BCL2L15: variants seen among roughly 807,000 people sequenced by gnomAD.
BCL2L15 encodes the protein BCL2 like 15, also known as bcl-2-like protein 15.
In BCL2L15, 15 loss-of-function variants were observed where a neutral mutation model predicts 18.3. That is an observed-to-expected ratio of 0.82 (90% CI 0.55 to 1.26). The LOEUF (loss-of-function observed/expected upper bound fraction) is 1.26, where lower values mean the gene tolerates loss of function less well. BCL2L15 is among the 50% of genes most tolerant of loss of function. The pLI is 0.00. For missense variants in BCL2L15, 180 were observed against 201.7 expected (o/e 0.89, Z 0.65); for synonymous variants, 58 against 68.5 (o/e 0.85, Z 0.76).
intron 3 of BCL2L15, 78 bp downstream of exon 3, chr1:113,881,695 G>T (rs1571509993): frequency 1.3e-6 from 2 of 1,483,796 alleles, no homozygotes; most frequent in East Asian, 4.9e-5. Context: ...TACAAAAAGG[G>T]TCATGAATTG....
At position 113,886,514 on chromosome 1, in the gene BCL2L15, A is replaced by G. The variant is rs756893176; in HGVS notation, c.249+23T>C. Reference sequence around the variant, plus strand: ...GAAATAGAAAAAAAAGCAGCAAACAATAGCATGAAGTAGAAACTTGACCTG... The same window carrying G: ...GAAATAGAAAAAAAAGCAGCAAACAGTAGCATGAAGTAGAAACTTGACCTG... On this transcript the variant is annotated intron_variant, in intron 2 of 3. Coordinates refer to ENST00000393316, the MANE Select transcript of BCL2L15 (RefSeq NM_001010922.3). The G allele has an allele frequency of 1.1e-5, 18 of 1,594,946 alleles. No individual in the cohort carries two copies. In the Admixed American group the frequency reaches 3.0e-4, roughly 27 times the overall value.
In BCL2L15 at chr1:113,877,040, A is replaced by T. The variant is rs1342104924; in HGVS notation, c.*4083T>A. 1.3e-5 allele frequency among the ~76,000 whole-genome samples: 2 copies of T among 152,170 alleles called. No homozygotes were observed. Among genetic ancestry groups the T allele is most frequent in the African/African-American group, 4.8e-5 (2 of 41,444 alleles). On this transcript the variant is annotated 3_prime_UTR_variant, in exon 4 of 4. Transcript: ENST00000393316. ...ACAAAAGTTCAAGGAGGCAAAGACC[A>T]CTTCTTATTCTGGTTATATGGATAG... is the stretch of plus-strand genomic sequence containing the variant.
chr1:113,882,639 C>T (rs1275963093), intron 2 of BCL2L15, among the ~76,000 whole-genome samples: 1 of 150,496 alleles, frequency 6.6e-6, no homozygotes, highest in Non-Finnish European at 1.5e-5. Flanking sequence ...AGCGAGACTC[C>T]ATCTCAAATA....
intron 2 of BCL2L15, among the ~76,000 whole-genome samples, chr1:113,883,309 C>A (rs1395414064): frequency 6.6e-6 from 1 of 152,036 alleles, no homozygotes; most frequent in African/African-American, 2.4e-5. Context: ...AGTGAAACCC[C>A]GTCTCTACTA....
In BCL2L15 at chr1:113,877,465, C is replaced by G. The variant is rs1250328240; in HGVS notation, c.*3658G>C. Among the ~76,000 whole-genome samples the G allele has an allele frequency of 3.3e-5, 5 of 152,036 alleles. No homozygotes were observed. Among genetic ancestry groups the G allele is most frequent in the East Asian group, 1.9e-4 (1 of 5,178 alleles). The stretch of plus-strand genomic sequence containing the variant: ...ACTACAATCAAGATAATGAACATGT[C>G]TAATCACACTCAAAAGTTCCACTGA... On this transcript the variant is annotated 3_prime_UTR_variant, in exon 4 of 4. Transcript: ENST00000393316.
rs986398980 is a variant in BCL2L15 at position 113,887,299 on chromosome 1, G to C, written c.77C>G (p.Thr26Arg). The change falls in exon 1 of 4, where the codon ACA becomes AGA. Residue 26 changes from threonine to arginine, a missense_variant. Thr to Arg is a moderately conservative substitution (Grantham distance 71). Coordinates refer to ENST00000393316, the MANE Select transcript of BCL2L15 (RefSeq NM_001010922.3). ...TAGGTTCCGGCTGGCAACCTGCAATGTTGGGCTCAAGAAGTCCATGAGTAG... is the reference window on the plus strand; with the variant it reads ...TAGGTTCCGGCTGGCAACCTGCAATCTTGGGCTCAAGAAGTCCATGAGTAG... ...NTLLMDFLSP[T>R]LQVASRNLCC... The C allele has an allele frequency of 2.8e-5, 45 of 1,614,194 alleles. No individual in the cohort carries two copies. Among genetic ancestry groups the C allele is most frequent in the Non-Finnish European group, 3.6e-5 (43 of 1,180,018 alleles).
Position 113,879,927 on chromosome 1 carries a change from A to C in BCL2L15, c.*1196T>G, listed in dbSNP as rs897690417. ...TATTCTCTATAGTGATGGCTGTCAC[A>C]CTCTATATGTACATCAGAATCACCT... On this transcript the variant is annotated 3_prime_UTR_variant, in exon 4 of 4. Transcript: ENST00000393316. The C allele has an allele frequency of 6.6e-6, 1 of 152,138 alleles. No individual in the cohort carries two copies. Among genetic ancestry groups the C allele is most frequent in the African/African-American group, 2.4e-5 (1 of 41,434 alleles). The allele number at this position is 152,138 out of a possible 1,614,324, so 9.4% of individuals were successfully genotyped here.
At chr1:113,882,086 CTT>C (rs1244390196) in intron 2 of BCL2L15, 89 bp from the exon 3 acceptor site, 1 of 979,034 alleles carries the variant, frequency 1.0e-6, no homozygotes, top group African/African-American at 1.6e-5. Context: ...GCAATTGTTT[CTT>C]AGAGTGCCAA....
intron 2 of BCL2L15, among the ~76,000 whole-genome samples, chr1:113,885,846 T>C (rs962733139): frequency 3.6e-4 from 55 of 151,322 alleles, no homozygotes; most frequent in African/African-American, 1.3e-3. Flanking sequence ...GGGTGGAGGT[T>C]GCAGTGAGCC....
rs1453568225 is a variant in BCL2L15, at chr1:113,877,214, T to C, written c.*3909A>G. Among the ~76,000 whole-genome samples the C allele has an allele frequency of 2.0e-5, 3 of 151,838 alleles. No individual in the cohort carries two copies. On this transcript the variant is annotated 3_prime_UTR_variant, in exon 4 of 4. Coordinates refer to ENST00000393316, the MANE Select transcript of BCL2L15 (RefSeq NM_001010922.3). The stretch of plus-strand genomic sequence containing the variant: ...CGGTTATACTAGAGCATTGGGATTG[T>C]AGAGGAGAATCATGATTGATTAAGG...
In BCL2L15 at chr1:113,880,387, G is replaced by C. The variant is rs1240206610; in HGVS notation, c.*736C>G. ...CACGCCTGTAATCCCAGCACTTTGG[G>C]AGGCCAAGGCGGGCGAATCACGAGG... is the stretch of plus-strand genomic sequence containing the variant. On this transcript the variant is annotated 3_prime_UTR_variant, in exon 4 of 4. Coordinates refer to ENST00000393316, the MANE Select transcript of BCL2L15 (RefSeq NM_001010922.3). The C allele has an allele frequency of 6.6e-6, 1 of 152,258 alleles. No individual in the cohort carries two copies. Among genetic ancestry groups the C allele is most frequent in the African/African-American group, 2.4e-5 (1 of 41,442 alleles). 9.4% of individuals were successfully genotyped at this position (152,258 alleles called of 1,614,324 possible). A position where few individuals can be genotyped will look rare whatever the true frequency, so the allele number is the denominator to read the frequency against.
At chr1:113,885,859 G>T (rs1667015836) in intron 2 of BCL2L15, among the ~76,000 whole-genome samples, 1 of 151,474 alleles carries the variant, frequency 6.6e-6, no homozygotes, top group Non-Finnish European at 1.5e-5. Flanking sequence ...AGTGAGCCGA[G>T]ATCGCGCCAC....
In BCL2L15 at chr1:113,881,818, A is replaced by G; in HGVS notation, c.429T>C (p.Asn143=). 6 of 1,614,216 alleles carry G rather than the reference A, an allele frequency of 3.7e-6. No homozygotes were observed. The highest frequency in any genetic ancestry group is 5.1e-6 in the Non-Finnish European group (6 of 1,180,034). Residue 143 remains asparagine, a synonymous_variant, in exon 3 of 4, where the codon AAT becomes AAC. Transcript: ENST00000393316. The part of the protein sequence containing the change: ...QVAIPMTGMI[N]GNQAIREFIQ... ...TGAACTCCCGGATGGCTTGGTTCCC[A>G]TTGATCATACCCGTCATGGGGATAG...
intron 1 of BCL2L15, among the ~76,000 whole-genome samples, chr1:113,886,903 ACT>A (rs1461474783): frequency 7.4e-6 from 1 of 135,936 alleles, no homozygotes; most frequent in Non-Finnish European, 1.6e-5. Context: ...AATAAAATAT[ACT>A]GTTTTTTTTT....
intron 3 of BCL2L15, 169 bp from the exon 4 acceptor site, chr1:113,881,309 T>G (rs1666873049): frequency 9.0e-7 from 1 of 1,115,974 alleles, no homozygotes; most frequent in Non-Finnish European, 1.3e-6. Context: ...TTCTGATGAT[T>G]ACTAAAACAT....
In BCL2L15 at chr1:113,886,594, G is replaced by A; in HGVS notation, c.192C>T (p.Phe64=). The A allele has an allele frequency of 6.2e-7, 1 of 1,613,964 alleles. No homozygotes were observed. The highest frequency in any genetic ancestry group is 8.5e-7 in the Non-Finnish European group (1 of 1,179,948). The change falls in exon 2 of 4, where the codon TTC becomes TTT. Residue 64 remains phenylalanine (F), a synonymous_variant. Transcript: ENST00000393316. ...AGRLRMLGDQ[F]NGELEASAKN... ...TGGCAGAAGCTTCCAATTCTCCGTT[G>A]AACTGGTCACCCAACATCCGAAGGC...
Position 113,876,861 on chromosome 1 carries a change from G to A in BCL2L15, c.*4262C>T, listed in dbSNP as rs536426246. The stretch of plus-strand genomic sequence containing the variant: ...TCATTTAATGAATATTTTTAATATC[G>A]ATGTACATGCCAGATAATGAAGAGG... On this transcript the variant is annotated 3_prime_UTR_variant, in exon 4 of 4. Transcript: ENST00000393316. Among the ~76,000 whole-genome samples the A allele has an allele frequency of 5.2e-4, 79 of 151,904 alleles. 1 individual carries two copies. Among genetic ancestry groups the A allele is most frequent in the Middle Eastern group, 3.4e-3 (1 of 292 alleles).
In BCL2L15 at chr1:113,877,006, G is replaced by A. The variant is rs1318993004; in HGVS notation, c.*4117C>T. 4.6e-5 allele frequency among the ~76,000 whole-genome samples: 7 copies of A among 152,122 alleles called. No individual in the cohort carries two copies. The highest frequency in any genetic ancestry group is 8.8e-5 in the Non-Finnish European group (6 of 68,026). ...CATTTTTTGGATAAGAAACATAAAA[G>A]TGGTACAAACAAAAGTTCAAGGAGG... On this transcript the variant is annotated 3_prime_UTR_variant, in exon 4 of 4. Coordinates refer to ENST00000393316, the MANE Select transcript of BCL2L15 (RefSeq NM_001010922.3).
chr1:113,885,763 C>T (rs1667010597), intron 2 of BCL2L15, among the ~76,000 whole-genome samples: 1 of 152,076 alleles, frequency 6.6e-6, no homozygotes, highest in South Asian at 2.1e-4. Context: ...CCCAGATGGG[C>T]CAGGCGCGGT....
Sources: gnomAD v4.1 joint callset for allele counts (sites outside exome capture counted in the v4.1 genomes callset) on GRCh38, gnomAD v4.1.1 for gene constraint, MANE v1.5 for transcripts, NCBI Gene and HGNC (gene_info 2026-07-23, HGNC 2026-07-21) for gene names.